The following NCKAP5 variants were observed in gnomAD, a reference collection of about 807,000 sequenced individuals.
NCKAP5 encodes the protein NCK associated protein 5.
NCKAP5 carries 92 observed loss-of-function variants against 167.0 expected under a neutral mutation model. The ratio of observed to expected loss-of-function variants is 0.55; its 90% CI spans 0.47 to 0.66. The LOEUF (loss-of-function observed/expected upper bound fraction) is 0.66, where lower values mean the gene tolerates loss of function less well. Ranked by LOEUF, NCKAP5 falls within the 30% of genes least tolerant of loss-of-function variation. The pLI is 0.00. For missense variants in NCKAP5, 2,378 were observed against 2,315.0 expected (o/e 1.03, Z -0.56); for synonymous variants, 891 against 877.4 (o/e 1.02, Z -0.27).
In NCKAP5 at chr2:133,084,614, C is replaced by T. The variant is rs73960009; in HGVS notation, c.341+45364G>A. Among the ~76,000 whole-genome samples, 825 of 152,214 alleles carry T rather than the reference C, an allele frequency of 5.4e-3. 8 individuals carry two copies. Among genetic ancestry groups the T allele is most frequent in the African/African-American group, 0.019 (775 of 41,532 alleles). On this transcript the variant is annotated intron_variant, in intron 6 of 19. Transcript: ENST00000409261. ...CTTGCTTCACTAACCTTAAGCACAT[C>T]GAAATGGTATAAGCTTCTGAGCTTT...
intron 8 of NCKAP5, among the ~76,000 whole-genome samples, chr2:132,944,741 G>C (rs548535790): frequency 6.6e-6 from 1 of 152,190 alleles, no homozygotes; most frequent in African/African-American, 2.4e-5. Context: ...TGTCCTGAAA[G>C]AGCGACATTT....
At chr2:133,247,424 A>G (rs1038327475) in intron 4 of NCKAP5, among the ~76,000 whole-genome samples, 2 of 152,244 alleles carry the variant, frequency 1.3e-5, no homozygotes, top group African/African-American at 2.4e-5. Flanking sequence ...TTAAAATCAC[A>G]TAAGAATTTC....
intron 19 of NCKAP5, among the ~76,000 whole-genome samples, chr2:132,674,577 A>G (rs1467662932): frequency 1.3e-5 from 2 of 152,082 alleles, no homozygotes; most frequent in Non-Finnish European, 1.5e-5. Context: ...CCCACCCCCA[A>G]CATTGTTATG....
intron 6 of NCKAP5, among the ~76,000 whole-genome samples, chr2:133,023,836 AT>A (rs1361378297): frequency 6.6e-6 from 1 of 152,156 alleles, no homozygotes; most frequent in Non-Finnish European, 1.5e-5. Context: ...CATTTTTAAA[AT>A]TAAATCCACC....
At chr2:133,486,555 C>T (rs1011745701) in intron 3 of NCKAP5, among the ~76,000 whole-genome samples, 1 of 152,190 alleles carries the variant, frequency 6.6e-6, no homozygotes, top group Non-Finnish European at 1.5e-5. Context: ...CTTAAACATA[C>T]AGTCTGAAAC....
the NCKAP5 span, among the ~76,000 whole-genome samples, chr2:133,640,483 G>T: frequency 3.3e-5 from 5 of 152,174 alleles, no homozygotes; most frequent in Admixed American, 3.3e-4. Flanking sequence ...ATGACATCTG[G>T]ACTAGGGAGG....
At chr2:133,358,915 C>T (rs1377429822) in intron 3 of NCKAP5, among the ~76,000 whole-genome samples, 1 of 152,164 alleles carries the variant, frequency 6.6e-6, no homozygotes, top group Admixed American at 6.5e-5. Flanking sequence ...TAAAGCATCT[C>T]AGTTATGTTT....
intron 3 of NCKAP5, chr2:133,433,624 C>T (rs1369798121): frequency 1.3e-5 from 2 of 152,142 alleles, no homozygotes; most frequent in Admixed American, 1.3e-4. Context: ...GACCAGCCTA[C>T]ACAGAGAAAT....
At chr2:132,994,110 A>G (rs1573667165) in intron 7 of NCKAP5, 42 bp downstream of exon 7, 3 of 1,379,938 alleles carry the variant, frequency 2.2e-6, no homozygotes, top group Non-Finnish European at 3.0e-6. Context: ...CAAGAAAAAC[A>G]AGCAGACCAG....
chr2:132,811,120 C>A (rs183311904), intron 11 of NCKAP5, among the ~76,000 whole-genome samples: 13 of 152,296 alleles, frequency 8.5e-5, no homozygotes, highest in African/African-American at 2.6e-4. Flanking sequence ...TGAGATGAAA[C>A]GTCTATGGGT....
At chr2:133,262,695 T>C (rs2088972135) in intron 4 of NCKAP5, among the ~76,000 whole-genome samples, 1 of 152,144 alleles carries the variant, frequency 6.6e-6, no homozygotes, top group Non-Finnish European at 1.5e-5. Context: ...AGCAAGAAAG[T>C]CTCAACCACC....
intron 2 of NCKAP5, among the ~76,000 whole-genome samples, chr2:133,552,430 T>C (rs1488691673): frequency 1.4e-5 from 2 of 145,354 alleles, no homozygotes; most frequent in Admixed American, 1.4e-4. Context: ...AAATGATGAG[T>C]TCGTGTCCTT....
chr2:132,881,328 C>T (rs1054073919), intron 8 of NCKAP5, among the ~76,000 whole-genome samples: 6 of 151,996 alleles, frequency 3.9e-5, no homozygotes, highest in African/African-American at 1.4e-4. Flanking sequence ...GTGACCACCA[C>T]CACACCTGGC....
At chr2:133,565,129 T>C (rs975518892) in intron 1 of NCKAP5, among the ~76,000 whole-genome samples, 2 of 151,664 alleles carry the variant, frequency 1.3e-5, no homozygotes. Flanking sequence ...GCTGCAGGAG[T>C]ACAAAGGTGC....
chr2:133,647,452 CGAAA>C, the NCKAP5 span, among the ~76,000 whole-genome samples: 10 of 47,416 alleles, frequency 2.1e-4, no homozygotes, highest in African/African-American at 7.7e-4. Context: ...AAAGAAAGAA[CGAAA>C]GAAAGAAAGG....
intron 19 of NCKAP5, among the ~76,000 whole-genome samples, chr2:132,719,510 C>A (rs771727636): frequency 1.9e-4 from 29 of 152,244 alleles, no homozygotes; most frequent in Non-Finnish European, 3.8e-4. Flanking sequence ...TGATGGACAA[C>A]CCTCGAAAAG....
intron 2 of NCKAP5, among the ~76,000 whole-genome samples, chr2:133,552,986 G>C (rs374416633): frequency 3.9e-5 from 6 of 151,970 alleles, no homozygotes; most frequent in African/African-American, 1.4e-4. Context: ...CTGTTGTCAG[G>C]GAAACAAGAT....
the NCKAP5 span, among the ~76,000 whole-genome samples, chr2:133,622,469 G>A: frequency 6.6e-6 from 1 of 151,994 alleles, no homozygotes; most frequent in Non-Finnish European, 1.5e-5. Flanking sequence ...ACATGATTCA[G>A]TAACTCTGCT....
chr2:132,771,322 A>T lies in NCKAP5; in HGVS notation c.5128+2494T>A, dbSNP rs559137499. 9.8e-5 allele frequency among the ~76,000 whole-genome samples: 15 copies of T among 152,304 alleles called. No individual in the cohort carries two copies. The South Asian group carries it at 2.9e-3, about 29-fold the overall frequency. ...CAAAAAATTTAAAATGGGAAAAAAA[A>T]TTTTTAATAGAAAAATCTTACAGAA... On this transcript the variant is annotated intron_variant, in intron 16 of 19. Transcript: ENST00000409261.
Sources: allele counts gnomAD v4.1 joint callset (sites outside exome capture counted in the v4.1 genomes callset), GRCh38; gene constraint gnomAD v4.1.1; transcripts MANE v1.5; gene names NCBI Gene and HGNC (gene_info 2026-07-23, HGNC 2026-07-21).